Variants in TP63 observed in about 807,000 individuals in gnomAD.
The protein encoded by TP63 is tumor protein p63.
Under a neutral mutation model 82.8 loss-of-function variants are expected in TP63, and 17 were observed. The ratio of observed to expected loss-of-function variants is 0.21; its 90% CI spans 0.14 to 0.31. TP63 has a LOEUF of 0.31. Among genes scored for constraint, TP63 ranks in the 10% least tolerant of loss-of-function variants. The probability of loss-of-function intolerance (pLI) is 1.00; values close to 1 mark genes in which losing one functional copy is unlikely to be tolerated. For synonymous variants in TP63, 330 were observed against 321.7 expected, an observed-to-expected ratio of 1.03 and a Z score of -0.28; for missense variants, 648 against 895.3, an observed-to-expected ratio of 0.72 and a Z score of 3.52.
chr3:189,864,648 T>C lies in TP63; in HGVS notation c.766+230T>C, dbSNP rs1717473033. Reference sequence around the variant, plus strand: ...CTATTTAATATTAGTAATTACTAGATGACCTGAACTACTGGTTATCTTTAC... The same window carrying C: ...CTATTTAATATTAGTAATTACTAGACGACCTGAACTACTGGTTATCTTTAC... On this transcript the variant is annotated intron_variant, in intron 5 of 13. Transcript: ENST00000264731. Among the ~76,000 whole-genome samples the C allele has an allele frequency of 2.7e-5, 4 of 150,310 alleles. No individual in the cohort carries two copies. In the Admixed American group the frequency reaches 2.7e-4, roughly 10 times the overall value.
chr3:189,811,179 C>A (rs1727524647), intron 4 of TP63, among the ~76,000 whole-genome samples: 1 of 152,160 alleles, frequency 6.6e-6, no homozygotes, highest in Non-Finnish European at 1.5e-5. Flanking sequence ...TTCTAAAATT[C>A]AGTCTGTGCC....
chr3:189,660,472 C>T (rs577915351), intron 1 of TP63, among the ~76,000 whole-genome samples: 1 of 151,544 alleles, frequency 6.6e-6, no homozygotes, highest in African/African-American at 2.4e-5. Context: ...GTCACTCTAG[C>T]CTATAGTTTA....
intron 4 of TP63, among the ~76,000 whole-genome samples, chr3:189,849,540 T>C (rs1034615068): frequency 3.3e-5 from 5 of 152,112 alleles, no homozygotes; most frequent in African/African-American, 1.2e-4. Flanking sequence ...GCTGTGGTAA[T>C]GTGAGAGGAG....
the TP63 span, among the ~76,000 whole-genome samples, chr3:189,598,733 G>A: frequency 0.012 from 1,885 of 152,314 alleles, 42 homozygotes; most frequent in African/African-American, 0.043. Flanking sequence ...GAGTGTTGGC[G>A]CAGCCTGGCC....
chr3:189,621,645 T>C, the TP63 span, among the ~76,000 whole-genome samples: 1 of 152,098 alleles, frequency 6.6e-6, no homozygotes, highest in Admixed American at 6.6e-5. Context: ...TATCACTCTA[T>C]ATTTATTCTC....
At chr3:189,751,346 C>G (rs1049879588) in intron 3 of TP63, among the ~76,000 whole-genome samples, 5 of 152,064 alleles carry the variant, frequency 3.3e-5, no homozygotes, top group African/African-American at 1.2e-4. Context: ...GTAATGGGAC[C>G]GCTGGGTCAA....
chr3:189,777,266 G>A (rs985899318), intron 3 of TP63, among the ~76,000 whole-genome samples: 6 of 151,876 alleles, frequency 4.0e-5, no homozygotes, highest in Admixed American at 3.9e-4. Context: ...GCACGATCTC[G>A]GCTCACTCCA....
Position 189,875,611 on chromosome 3 carries a change from T to TATATATATATATACAC in TP63, c.1349+2629_1349+2630insCACATATATATATATA, listed in dbSNP as rs1553859673. Among the ~76,000 whole-genome samples the TATATATATATATACAC allele has an allele frequency of 1.5e-3, 112 of 77,036 alleles. 6 individuals are homozygous for TATATATATATATACAC. Among genetic ancestry groups the TATATATATATATACAC allele is most frequent in the Non-Finnish European group, 2.5e-3 (90 of 35,900 alleles). The allele number at this position is 77,036 out of a possible 152,430, so 50.5% of individuals were successfully genotyped here. On this transcript the variant is annotated intron_variant, in intron 10 of 13. Transcript: ENST00000264731. ...ATACATACATATATATATATATATA[T>TATATATATATATACAC]ATATATATATATATATATATATATA...
intron 3 of TP63, among the ~76,000 whole-genome samples, chr3:189,789,418 A>G (rs1468461879): frequency 6.6e-6 from 1 of 151,822 alleles, no homozygotes; most frequent in Admixed American, 6.6e-5. Flanking sequence ...GCACTTTCTT[A>G]TGAAAGAGAC....
At chr3:189,683,239 T>G (rs1452327813) in intron 1 of TP63, among the ~76,000 whole-genome samples, 3 of 152,204 alleles carry the variant, frequency 2.0e-5, no homozygotes, top group Admixed American at 2.0e-4. Flanking sequence ...GTAAGTGCTT[T>G]ATATGTATCT....
At chr3:189,708,351 C>T (rs1212204368) in intron 1 of TP63, among the ~76,000 whole-genome samples, 1 of 152,154 alleles carries the variant, frequency 6.6e-6, no homozygotes, top group Non-Finnish European at 1.5e-5. Context: ...CACAATCTAT[C>T]TTTGTTTTCT....
intron 1 of TP63, among the ~76,000 whole-genome samples, chr3:189,687,454 C>G (rs1259667048): frequency 6.6e-6 from 1 of 152,176 alleles, no homozygotes; most frequent in East Asian, 1.9e-4. Context: ...GTTACTTGAG[C>G]TTGATAACTT....
chr3:189,747,380 T>C (rs1721460706), intron 3 of TP63, among the ~76,000 whole-genome samples: 1 of 152,014 alleles, frequency 6.6e-6, no homozygotes. Context: ...TTTTTAAAAA[T>C]TGAAATTACA....
chr3:189,721,785 C>A (rs1007657384), intron 1 of TP63, among the ~76,000 whole-genome samples: 1 of 152,154 alleles, frequency 6.6e-6, no homozygotes, highest in Admixed American at 6.5e-5. Flanking sequence ...GGTTCTGAAC[C>A]TCACCAAGCA....
intron 1 of TP63, among the ~76,000 whole-genome samples, chr3:189,690,339 G>A: frequency 6.6e-6 from 1 of 151,994 alleles, no homozygotes; most frequent in Admixed American, 6.6e-5. Context: ...CAGGATCCTG[G>A]CCCTGATAGT....
In TP63 at chr3:189,866,813, C is replaced by T. The variant is rs138246371; in HGVS notation, c.882+16C>T. ...GCCACCCCAGGTAAAAAGCAAAAAA[C>T]CAAACCAAAAAACAACACCTCTATG... is the stretch of plus-strand genomic sequence containing the variant. On this transcript the variant is annotated intron_variant, in intron 6 of 13. Coordinates refer to ENST00000264731, the MANE Select transcript of TP63 (RefSeq NM_003722.5). 6.2e-7 allele frequency: 1 copy of T among 1,611,570 alleles called. No individual in the cohort carries two copies. Among genetic ancestry groups the T allele is most frequent in the African/African-American group, 1.3e-5 (1 of 74,926 alleles).
intron 1 of TP63, among the ~76,000 whole-genome samples, chr3:189,669,283 A>G (rs1714683905): frequency 6.6e-6 from 1 of 151,964 alleles, no homozygotes; most frequent in African/African-American, 2.4e-5. Flanking sequence ...AATAGTTTTG[A>G]AAAACAATAG....
chr3:189,772,464 A>G (rs543327639), intron 3 of TP63, among the ~76,000 whole-genome samples: 1 of 152,218 alleles, frequency 6.6e-6, no homozygotes, highest in Non-Finnish European at 1.5e-5. Flanking sequence ...TCTGTATTTC[A>G]CCAATCAATA....
chr3:189,728,661 G>A (rs9834380), intron 1 of TP63, among the ~76,000 whole-genome samples: 101,426 of 152,030 alleles, frequency 0.67, 34,183 homozygotes, highest in African/African-American at 0.75. Flanking sequence ...ACTCACAGTT[G>A]TGCATGGCTG....
Sources: gnomAD v4.1 joint callset for allele counts (sites outside exome capture counted in the v4.1 genomes callset) on GRCh38, gnomAD v4.1.1 for gene constraint, MANE v1.5 for transcripts, NCBI Gene and HGNC (gene_info 2026-07-23, HGNC 2026-07-21) for gene names.